The following ZC3H12B variants were observed in gnomAD, a reference collection of about 807,000 sequenced individuals.
The protein encoded by ZC3H12B is zinc finger CCCH-type containing 12B.
In ZC3H12B, 7 loss-of-function variants were observed where a neutral mutation model predicts 43.9. That is an observed-to-expected ratio of 0.16 (90% CI 0.09 to 0.30). The LOEUF is 0.30. Among genes scored for constraint, ZC3H12B ranks in the 10% least tolerant of loss-of-function variants. The probability of loss-of-function intolerance (pLI) is 1.00; values close to 1 mark genes in which losing one functional copy is unlikely to be tolerated. For synonymous variants in ZC3H12B, 222 were observed against 241.7 expected (o/e 0.92, Z 0.76); for missense variants, 475 against 670.2 (o/e 0.71, Z 3.22).
the ZC3H12B span, among the ~76,000 whole-genome samples, chrX:65,267,580 T>C: frequency 5.4e-5 from 6 of 111,527 alleles, no homozygotes; most frequent in Non-Finnish European, 7.5e-5. Flanking sequence ...CTGTGCTAAA[T>C]ATGCCTAAAG....
chrX:65,118,745 C>T, the ZC3H12B span, among the ~76,000 whole-genome samples: 1 of 108,597 alleles, frequency 9.2e-6, no homozygotes, highest in East Asian at 2.9e-4. Context: ...TGGTGTGCTG[C>T]ACCCATTAAC....
At chrX:65,460,762 G>C (rs2067729971) in intron 3 of ZC3H12B, among the ~76,000 whole-genome samples, 1 of 111,512 alleles carries the variant, frequency 9.0e-6, no homozygotes, top group Non-Finnish European at 1.9e-5. Context: ...AACCCTAGAA[G>C]AAAACCTAGG....
chrX:65,045,268 G>C, the ZC3H12B span, among the ~76,000 whole-genome samples: 1 of 111,788 alleles, frequency 8.9e-6, no homozygotes, highest in African/African-American at 3.2e-5. Context: ...TCTTTCACAA[G>C]AGGTTTATCT....
the ZC3H12B span, among the ~76,000 whole-genome samples, chrX:65,048,288 C>T: frequency 9.0e-6 from 1 of 111,224 alleles, no homozygotes; most frequent in Non-Finnish European, 1.9e-5. Context: ...TGCACATATG[C>T]CACATTTTCT....
intron 3 of ZC3H12B, among the ~76,000 whole-genome samples, chrX:65,411,904 T>C (rs1310898742): frequency 9.4e-6 from 1 of 106,108 alleles, no homozygotes; most frequent in Non-Finnish European, 1.9e-5. Flanking sequence ...CACAAAAATT[T>C]AAAATAAAAT....
the ZC3H12B span, among the ~76,000 whole-genome samples, chrX:65,228,738 AACAG>A: frequency 8.9e-6 from 1 of 111,983 alleles, no homozygotes; most frequent in African/African-American, 3.2e-5. Flanking sequence ...ATACACCAAT[AACAG>A]ACAAACAGAG....
intron 2 of ZC3H12B, among the ~76,000 whole-genome samples, chrX:65,380,519 A>C (rs1487159326): frequency 3.6e-5 from 4 of 112,041 alleles, no homozygotes; most frequent in Non-Finnish European, 3.8e-5. Flanking sequence ...AAATGTAAAG[A>C]CCATCAAGAC....
the ZC3H12B span, among the ~76,000 whole-genome samples, chrX:65,306,626 C>T: frequency 1.8e-5 from 2 of 111,694 alleles, no homozygotes; most frequent in African/African-American, 3.3e-5. Context: ...CCACCCGCCT[C>T]GGCCTCCCAA....
Position 65,382,792 on chromosome X carries a change from AT to A in ZC3H12B, n.295+13796del, listed in dbSNP as rs772939667. ...AAATCAACGTACAAAAATCACAAGC[AT>A]TCTTGTACACCAACAACAGACAAAC... On this transcript the variant is annotated intron_variant and non_coding_transcript_variant, in intron 2 of 5. Transcript: ENST00000617377. Among the ~76,000 whole-genome samples, 69 of 111,758 alleles carry A rather than the reference AT, an allele frequency of 6.2e-4. No individual in the cohort carries two copies. In the Middle Eastern group the frequency reaches 0.023, roughly 37 times the overall value.
At chrX:65,504,033 C>T (rs938189212) in exon 5 of ZC3H12B, 8 of 112,414 alleles carry the variant, frequency 7.1e-5, no homozygotes, top group Non-Finnish European at 1.3e-4. Context: ...TAGGTTTTTT[C>T]TAATAGAAAT....
chrX:65,404,955 C>A (rs2066805457), intron 3 of ZC3H12B, among the ~76,000 whole-genome samples: 1 of 111,983 alleles, frequency 8.9e-6, no homozygotes. Flanking sequence ...TATGATAGGT[C>A]AAAAAAGTCT....
the ZC3H12B span, among the ~76,000 whole-genome samples, chrX:65,358,542 C>T: frequency 9.0e-6 from 1 of 111,595 alleles, no homozygotes; most frequent in African/African-American, 3.3e-5. Flanking sequence ...CTCAAAACCG[C>T]ACAACTACAT....
At chrX:65,106,063 G>A in the ZC3H12B span, among the ~76,000 whole-genome samples, 1 of 111,951 alleles carries the variant, frequency 8.9e-6, no homozygotes, top group South Asian at 3.7e-4. Context: ...GTTGTGGCCT[G>A]TAGTTTAGAA....
At chrX:65,393,026 G>A (rs1248676959) in intron 2 of ZC3H12B, among the ~76,000 whole-genome samples, 1 of 111,467 alleles carries the variant, frequency 9.0e-6, no homozygotes, top group African/African-American at 3.3e-5. Context: ...GATGTGCTTT[G>A]TTAAACAGAT....
the ZC3H12B span, among the ~76,000 whole-genome samples, chrX:65,055,780 A>C: frequency 9.0e-6 from 1 of 111,553 alleles, no homozygotes; most frequent in Non-Finnish European, 1.9e-5. Flanking sequence ...TTATTGGTCT[A>C]TTCAGAGATT....
the ZC3H12B span, among the ~76,000 whole-genome samples, chrX:65,342,849 A>G: frequency 9.1e-6 from 1 of 110,366 alleles, no homozygotes; most frequent in Admixed American, 9.7e-5. Flanking sequence ...AAAAAAAAAA[A>G]AAAATTCAAA....
chrX:65,267,429 A>G, the ZC3H12B span, among the ~76,000 whole-genome samples: 1 of 110,161 alleles, frequency 9.1e-6, no homozygotes. Flanking sequence ...CCACATTACA[A>G]TATGCAAAAA....
At chrX:65,153,533 C>T in the ZC3H12B span, among the ~76,000 whole-genome samples, 2 of 111,895 alleles carry the variant, frequency 1.8e-5, no homozygotes, top group African/African-American at 6.5e-5. Context: ...CAATGAGATA[C>T]CATCTCACAC....
chrX:65,389,373 T>G (rs747713896), intron 2 of ZC3H12B, among the ~76,000 whole-genome samples: 11 of 112,142 alleles, frequency 9.8e-5, no homozygotes, highest in Non-Finnish European at 1.9e-4. Flanking sequence ...CACCTTGCAG[T>G]TTAATCTCAG....
Sources: gnomAD v4.1 joint callset for allele counts (sites outside exome capture counted in the v4.1 genomes callset) on GRCh38, gnomAD v4.1.1 for gene constraint, MANE v1.5 for transcripts, NCBI Gene and HGNC (gene_info 2026-07-23, HGNC 2026-07-21) for gene names.